COQ7: variants seen among roughly 807,000 people sequenced by gnomAD.
The protein encoded by COQ7 is NADPH-dependent 3-demethoxyubiquinone 3-hydroxylase, mitochondrial.
COQ7 carries 21 observed loss-of-function variants against 25.0 expected under a neutral mutation model. The observed-to-expected ratio is 0.84, with a 90% confidence interval of 0.60 to 1.21. The LOEUF is 1.21. Ranked by LOEUF, COQ7 falls within the 50% of genes most tolerant of loss-of-function variation. The pLI, the probability that COQ7 is intolerant of heterozygous loss-of-function variation, is 0.00. For missense variants in COQ7, 311 were observed against 296.2 expected (o/e 1.05, Z -0.37); for synonymous variants, 125 against 112.4 (o/e 1.11, Z -0.71).
In COQ7 at chr16:19,079,572, A is replaced by G. The variant is rs531920823; in HGVS notation, c.*1414A>G. On this transcript the variant is annotated 3_prime_UTR_variant, in exon 6 of 6. Transcript: ENST00000321998. ...ACTTTTTTTTTTCAGTTTATGGACC[A>G]AGAGTTTTGATTTATTTAGGGTGGA... 2 of 152,194 alleles carry G rather than the reference A, an allele frequency of 1.3e-5. No individual in the cohort carries two copies. The highest frequency in any genetic ancestry group is 1.3e-4 in the Admixed American group (2 of 15,290). The allele number at this position is 152,194 out of a possible 1,614,324, so 9.4% of individuals were successfully genotyped here.
intron 1 of COQ7, 141 bp downstream of exon 1, chr16:19,067,878 G>A: frequency 6.7e-7 from 1 of 1,495,870 alleles, no homozygotes; most frequent in South Asian, 1.3e-5. Context: ...CGTGACTTCG[G>A]CCTCCGGGGC....
chr16:19,070,994 T>G (rs992306536), intron 1 of COQ7, among the ~76,000 whole-genome samples: 1 of 152,232 alleles, frequency 6.6e-6, no homozygotes, highest in Non-Finnish European at 1.5e-5. Flanking sequence ...TAATCTGTCA[T>G]GAAGAATTTA....
At chr16:19,068,745 G>T in intron 1 of COQ7, 2 of 332,116 alleles carry the variant, frequency 6.0e-6, no homozygotes, top group South Asian at 2.3e-5. Flanking sequence ...TTTGCCTAAT[G>T]GCAGTACTGC....
At chr16:19,073,721 G>A (rs1039831805) in intron 2 of COQ7, among the ~76,000 whole-genome samples, 200 bp from the exon 3 acceptor site, 1 of 152,116 alleles carries the variant, frequency 6.6e-6, no homozygotes, top group Non-Finnish European at 1.5e-5. Context: ...AGACTGTTTT[G>A]TATTCTTGGT....
intron 1 of COQ7, 112 bp from the exon 2 acceptor site, chr16:19,071,816 C>T (rs1264267540): frequency 8.5e-7 from 1 of 1,170,198 alleles, no homozygotes; most frequent in Non-Finnish European, 1.3e-6. Flanking sequence ...GCACGCCTGG[C>T]CCATGGGGAA....
chr16:19,071,636 T>C (rs954858138), intron 1 of COQ7: 2 of 398,056 alleles, frequency 5.0e-6, no homozygotes, highest in Non-Finnish European at 9.4e-6. Context: ...AGAGGGTTGG[T>C]GAACTGGAGA....
chr16:19,068,441 C>T (rs1267537145), intron 1 of COQ7: 1 of 976,652 alleles, frequency 1.0e-6, no homozygotes, highest in Non-Finnish European at 1.2e-6. Flanking sequence ...CCCCTGAGGT[C>T]AGGAGTTTGA....
Position 19,078,441 on chromosome 16 carries a change from TC to T in COQ7, c.*284del, listed in dbSNP as rs2142401496. Reference sequence around the variant, plus strand: ...TAATTTTCTTTTATATACATGTTTTTCTTTTACATGCATATATATATATTTT... The same window carrying T: ...TAATTTTCTTTTATATACATGTTTTTTTTTACATGCATATATATATATTTT... On this transcript the variant is annotated 3_prime_UTR_variant, in exon 6 of 6. Transcript: ENST00000321998. 1 of 200,202 alleles carries T rather than the reference TC, an allele frequency of 5.0e-6. No individual in the cohort carries two copies. Among genetic ancestry groups the T allele is most frequent in the African/African-American group, 2.3e-5 (1 of 43,284 alleles). 12.4% of individuals were successfully genotyped at this position (200,202 alleles called of 1,614,324 possible).
chr16:19,067,773 T>G lies in COQ7; in HGVS notation c.73+36T>G, dbSNP rs4531717. ...GCGCGCAGTCACAGTCCTGCGCCGG[T>G]CTAGCGAGCTAGGGAATTTTCGCTT... is the stretch of plus-strand genomic sequence containing the variant. On this transcript the variant is annotated intron_variant, in intron 1 of 5. Transcript: ENST00000321998. 1,499,456 of 1,580,616 alleles carry G rather than the reference T, an allele frequency of 0.95. 714,397 individuals carry two copies. The highest frequency in any genetic ancestry group is 0.97 in the East Asian group (42,669 of 43,828).
At chr16:19,074,570 G>T (rs548028724) in intron 3 of COQ7, among the ~76,000 whole-genome samples, 1 of 152,000 alleles carries the variant, frequency 6.6e-6, no homozygotes, top group African/African-American at 2.4e-5. Context: ...CAGAGCCAGG[G>T]TCTCACTCTG....
rs1045324514 is a variant in COQ7 at position 19,071,844 on chromosome 16, T to A, written c.74-84T>A. 9 of 1,521,814 alleles carry A rather than the reference T, an allele frequency of 5.9e-6. No homozygotes were observed. The African/African-American group carries it at 1.2e-4, about 21-fold the overall frequency. 94.3% of individuals were successfully genotyped at this position (1,521,814 alleles called of 1,614,324 possible). ...ATGGGGAACTGATTTGTGACCTCCA[T>A]CCCAAAGTGCCCTTTCTGCTGTCTG... On this transcript the variant is annotated intron_variant, in intron 1 of 5. Coordinates refer to ENST00000321998, the MANE Select transcript of COQ7 (RefSeq NM_016138.5).
intron 1 of COQ7, among the ~76,000 whole-genome samples, chr16:19,071,177 C>G (rs1962537634): frequency 6.6e-6 from 1 of 152,102 alleles, no homozygotes; most frequent in South Asian, 2.1e-4. Context: ...ACTCTGTTGC[C>G]CAGGCTGGAG....
chr16:19,073,756 C>G (rs1339916012), intron 2 of COQ7, among the ~76,000 whole-genome samples, 165 bp from the exon 3 acceptor site: 1 of 152,018 alleles, frequency 6.6e-6, no homozygotes, highest in Non-Finnish European at 1.5e-5. Context: ...GTCACAGATT[C>G]CTTTAGTCTG....
At chr16:19,076,845 G>C (rs1441335001) in intron 4 of COQ7, among the ~76,000 whole-genome samples, 1 of 152,142 alleles carries the variant, frequency 6.6e-6, no homozygotes, top group Admixed American at 6.5e-5. Flanking sequence ...TCCTGCCTTG[G>C]CCTCCTAAAG....
intron 2 of COQ7, among the ~76,000 whole-genome samples, chr16:19,072,945 T>C (rs1962638897): frequency 6.6e-6 from 1 of 152,084 alleles, no homozygotes; most frequent in African/African-American, 2.4e-5. Context: ...CCGAGGCCAA[T>C]GGATCGCTTG....
At chr16:19,068,859 G>C (rs1010959238) in intron 1 of COQ7, 3 of 450,530 alleles carry the variant, frequency 6.7e-6, no homozygotes, top group African/African-American at 4.0e-5. Flanking sequence ...TGGGAAGCCA[G>C]TGCCACTTGC....
intron 1 of COQ7, among the ~76,000 whole-genome samples, chr16:19,070,079 C>T (rs963791137): frequency 3.3e-5 from 5 of 152,212 alleles, no homozygotes; most frequent in Admixed American, 6.5e-5. Flanking sequence ...CCACCACACC[C>T]GGCCTATGCA....
intron 1 of COQ7, chr16:19,068,713 AC>A (rs1346921488): frequency 2.4e-4 from 59 of 250,992 alleles, no homozygotes; most frequent in Middle Eastern, 3.0e-3. Flanking sequence ...ACGTTAAATT[AC>A]CGTGTACCAC....
chr16:19,081,274 G>A (rs1345383212), downstream of COQ7, among the ~76,000 whole-genome samples: 2 of 152,166 alleles, frequency 1.3e-5, no homozygotes, highest in Non-Finnish European at 2.9e-5. Flanking sequence ...ATTTGCATAA[G>A]TGCAACAAGA....
Sources: allele counts gnomAD v4.1 joint callset (sites outside exome capture counted in the v4.1 genomes callset), GRCh38; gene constraint gnomAD v4.1.1; transcripts MANE v1.5; gene names NCBI Gene and HGNC (gene_info 2026-07-23, HGNC 2026-07-21).